Variants in TPCN1 observed in about 807,000 individuals in gnomAD.
The protein encoded by TPCN1 is two pore channel protein 1.
A neutral mutation model predicts 108.8 loss-of-function variants in TPCN1; 52 were observed. The observed-to-expected ratio is 0.48, with a 90% confidence interval of 0.38 to 0.60. TPCN1 has a LOEUF of 0.60. Among genes scored for constraint, TPCN1 ranks in the 20% least tolerant of loss-of-function variants. The pLI is 0.00. For synonymous variants in TPCN1, 446 were observed against 433.7 expected (o/e 1.03, Z -0.35); for missense variants, 806 against 1,072.8 (o/e 0.75, Z 3.47).
chr12:113,290,044 C>T, intron 21 of TPCN1, 84 bp from the exon 22 acceptor site: 9 of 861,660 alleles, frequency 1.0e-5, no homozygotes, highest in South Asian at 1.6e-5. Context: ...GGCCAGAACT[C>T]GGTTTGTTTC....
At position 113,269,611 on chromosome 12, in the gene TPCN1, G is replaced by A; in HGVS notation, c.660-146G>A. 1 of 706,660 alleles carries A rather than the reference G, an allele frequency of 1.4e-6. No homozygotes were observed. Among genetic ancestry groups the A allele is most frequent in the Non-Finnish European group, 2.4e-6 (1 of 423,592 alleles). The allele number at this position is 706,660 out of a possible 1,614,324, so 43.8% of individuals were successfully genotyped here. ...GAGTGGGGGTCTCAAGCCACTTTAG[G>A]AAAAAATGAAGCATGATGTCACACC... On this transcript the variant is annotated intron_variant, in intron 6 of 27. Coordinates refer to ENST00000335509, the MANE Select transcript of TPCN1 (RefSeq NM_017901.6). The surrounding 1 kb of genome is among the most constrained non-coding windows in gnomAD (Gnocchi z 5.0).
chr12:113,291,132 T>G, intron 23 of TPCN1, 134 bp downstream of exon 23: 1 of 890,012 alleles, frequency 1.1e-6, no homozygotes, highest in Non-Finnish European at 1.8e-6. Flanking sequence ...TGTGTTGGTG[T>G]TCAGTGGGGA....
At chr12:113,251,371 C>T (rs1456345554) in intron 2 of TPCN1, among the ~76,000 whole-genome samples, 1 of 152,220 alleles carries the variant, frequency 6.6e-6, no homozygotes, top group African/African-American at 2.4e-5. Context: ...CATAGTGAGA[C>T]CCTGTCTCTA....
At chr12:113,250,508 C>A (rs1428682884) in intron 2 of TPCN1, among the ~76,000 whole-genome samples, 2 of 152,206 alleles carry the variant, frequency 1.3e-5, no homozygotes, top group Admixed American at 6.5e-5. Flanking sequence ...TGGACAGGTG[C>A]CCCTGGAGGG....
At chr12:113,233,929 C>T (rs1407897425) in intron 2 of TPCN1, among the ~76,000 whole-genome samples, 3 of 152,176 alleles carry the variant, frequency 2.0e-5, no homozygotes, top group Admixed American at 6.5e-5. Flanking sequence ...TGCCCCCCTC[C>T]GTGAGGTAGA....
rs1001305787 is a variant in TPCN1 at position 113,268,644 on chromosome 12, G to A, written c.529-98G>A. On this transcript the variant is annotated intron_variant, in intron 5 of 27. Transcript: ENST00000335509. The surrounding 1 kb of genome is among the most constrained non-coding windows in gnomAD (Gnocchi z 7.3). ...TGGAGAGAGGAGAAGGCCTCCCGAG[G>A]CCAGAGTGGGCACTGCCTCTCCAGC... 7.3e-6 allele frequency: 11 copies of A among 1,505,914 alleles called. No individual in the cohort carries two copies. The South Asian group carries it at 1.2e-4, about 17-fold the overall frequency. 93.3% of individuals were successfully genotyped at this position (1,505,914 alleles called of 1,614,324 possible). A position where few individuals can be genotyped will look rare whatever the true frequency, so the allele number is the denominator to read the frequency against.
intron 13 of TPCN1, 71 bp downstream of exon 13, chr12:113,278,308 G>A: frequency 2.2e-6 from 3 of 1,375,652 alleles, no homozygotes; most frequent in South Asian, 2.3e-5. Flanking sequence ...AGGAGCAGGG[G>A]CACCCCGAGA....
chr12:113,266,480 C>G lies in TPCN1; in HGVS notation c.414+124C>G, dbSNP rs1030926109. 26 of 1,330,276 alleles carry G rather than the reference C, an allele frequency of 2.0e-5. No individual in the cohort carries two copies. The highest frequency in any genetic ancestry group is 2.7e-5 in the Non-Finnish European group (26 of 966,354). The allele number at this position is 1,330,276 out of a possible 1,614,324, so 82.4% of individuals were successfully genotyped here. Reference sequence around the variant, plus strand: ...CAAACGGACTTAAAACAGAGAGATACGAGGTGGTCATAGAGGCCTTGGGAG... The same window carrying G: ...CAAACGGACTTAAAACAGAGAGATAGGAGGTGGTCATAGAGGCCTTGGGAG... On this transcript the variant is annotated intron_variant, in intron 4 of 27. Coordinates refer to ENST00000335509, the MANE Select transcript of TPCN1 (RefSeq NM_017901.6). This position sits in a 1 kb window ranked among gnomAD's most constrained non-coding sequence, Gnocchi z 4.2.
At chr12:113,275,697 C>A (rs944041473) in intron 10 of TPCN1, among the ~76,000 whole-genome samples, 2 of 151,924 alleles carry the variant, frequency 1.3e-5, no homozygotes, top group Non-Finnish European at 2.9e-5. Context: ...CTCAGCCTCC[C>A]GAGTAGCTGG....
intron 1 of TPCN1, among the ~76,000 whole-genome samples, chr12:113,226,320 A>T (rs1953468639): frequency 6.6e-6 from 1 of 152,110 alleles, no homozygotes; most frequent in Non-Finnish European, 1.5e-5. Flanking sequence ...GGTCTCTGTC[A>T]CTTAAGCTGG....
At chr12:113,222,961 G>A (rs962482021) in intron 1 of TPCN1, among the ~76,000 whole-genome samples, 7 of 151,566 alleles carry the variant, frequency 4.6e-5, no homozygotes, top group South Asian at 2.2e-4. Flanking sequence ...GGAAGTTCAC[G>A]TATATATTCT....
rs1394203565 is a variant in TPCN1, at chr12:113,266,985, C to G, written c.414+629C>G. Among the ~76,000 whole-genome samples the G allele has an allele frequency of 6.6e-6, 1 of 152,218 alleles. No individual in the cohort carries two copies. The highest frequency in any genetic ancestry group is 1.5e-5 in the Non-Finnish European group (1 of 68,032). On this transcript the variant is annotated intron_variant, in intron 4 of 27. Coordinates refer to ENST00000335509, the MANE Select transcript of TPCN1 (RefSeq NM_017901.6). This position sits in a 1 kb window ranked among gnomAD's most constrained non-coding sequence, Gnocchi z 4.2. ...CATGCCTGGAACTCACAGCTCCAGC[C>G]AGTCTGTGTTTCTTTCTGTGCACAC...
intron 25 of TPCN1, chr12:113,292,245 G>A: frequency 2.4e-6 from 1 of 414,280 alleles, no homozygotes; most frequent in Non-Finnish European, 4.4e-6. Flanking sequence ...CCCCTGCCCT[G>A]CCTTTCCCTC....
rs768407956 is a variant in TPCN1 at position 113,288,822 on chromosome 12, G to A, written c.1771G>A (p.Gly591Arg). 12 of 1,613,468 alleles carry A rather than the reference G, an allele frequency of 7.4e-6. No homozygotes were observed. Among genetic ancestry groups the A allele is most frequent in the East Asian group, 4.5e-5 (2 of 44,896 alleles). ...FAIVGMEFFCGIVFPNCCNTS... is the reference protein window; with the variant it reads ...FAIVGMEFFCRIVFPNCCNTS... ...CATCGTGGGCATGGAGTTCTTCTGC[G>A]GGATCGTCTTCCCCAACTGCTGCAA... The change falls in exon 21 of 28, where the codon GGG becomes AGG. Residue 591 changes from glycine to arginine, a missense_variant. By Grantham distance (125) the Gly-to-Arg change is moderately radical (BLOSUM62 -2). Coordinates refer to ENST00000335509, the MANE Select transcript of TPCN1 (RefSeq NM_017901.6). The surrounding 1 kb of genome is among the most constrained non-coding windows in gnomAD (Gnocchi z 4.8).
At chr12:113,285,572 C>T (rs1956046748) in intron 17 of TPCN1, among the ~76,000 whole-genome samples, 1 of 152,194 alleles carries the variant, frequency 6.6e-6, no homozygotes, top group African/African-American at 2.4e-5. Context: ...GATGGGGTCT[C>T]ACTATGTTGC....
intron 2 of TPCN1, among the ~76,000 whole-genome samples, chr12:113,258,185 G>A (rs1182433559): frequency 6.6e-6 from 1 of 152,148 alleles, no homozygotes; most frequent in Non-Finnish European, 1.5e-5. Context: ...GGGTAGGGTT[G>A]GCCAGGCACG....
chr12:113,237,495 T>A (rs1224503868), intron 2 of TPCN1, among the ~76,000 whole-genome samples: 1 of 152,158 alleles, frequency 6.6e-6, no homozygotes, highest in Non-Finnish European at 1.5e-5. Context: ...TAGCTGGGAT[T>A]ACAGGTGTGC....
chr12:113,280,842 T>C (rs887340240), intron 15 of TPCN1, among the ~76,000 whole-genome samples: 2 of 152,206 alleles, frequency 1.3e-5, no homozygotes, highest in Non-Finnish European at 2.9e-5. Flanking sequence ...GAAATGGTGT[T>C]AGAGACACAA....
chr12:113,237,014 G>A (rs1953924454), intron 2 of TPCN1, among the ~76,000 whole-genome samples: 1 of 152,156 alleles, frequency 6.6e-6, no homozygotes, highest in Non-Finnish European at 1.5e-5. Context: ...AATGCTGATG[G>A]CAGGAGTTTG....
Sources: gnomAD v4.1 joint callset for allele counts (sites outside exome capture counted in the v4.1 genomes callset) on GRCh38, gnomAD v4.1.1 for gene constraint, Gnocchi (gnomAD v3.1) non-coding constraint, MANE v1.5 for transcripts, NCBI Gene and HGNC (gene_info 2026-07-23, HGNC 2026-07-21) for gene names.